KCNB2: variants seen among roughly 807,000 people sequenced by gnomAD.
KCNB2 encodes the protein potassium voltage-gated channel subfamily B member 2, also known as delayed rectifier potassium channel protein.
In KCNB2, 15 loss-of-function variants were observed where a neutral mutation model predicts 61.5. The ratio of observed to expected loss-of-function variants is 0.24; its 90% CI spans 0.16 to 0.38. KCNB2 has a LOEUF of 0.38. Among genes scored for constraint, KCNB2 ranks in the 10% least tolerant of loss-of-function variants. KCNB2 has a pLI of 1.00. For synonymous variants in KCNB2, 457 were observed against 446.0 expected (o/e 1.02, Z -0.31); for missense variants, 828 against 1,125.2 (o/e 0.74, Z 3.78).
intron 2 of KCNB2, among the ~76,000 whole-genome samples, chr8:72,855,049 A>G (rs547509364): frequency 1.6e-4 from 24 of 152,220 alleles, no homozygotes; most frequent in Middle Eastern, 3.4e-3. Flanking sequence ...GCACTATTGC[A>G]CTCTGTCCTC....
intron 1 of KCNB2, among the ~76,000 whole-genome samples, chr8:72,538,599 CAT>C (rs1251211210): frequency 6.6e-6 from 1 of 152,082 alleles, no homozygotes; most frequent in Non-Finnish European, 1.5e-5. Flanking sequence ...TATGACTGCA[CAT>C]GTGTTTCAAC....
At chr8:72,841,752 A>G (rs2129002647) in intron 2 of KCNB2, among the ~76,000 whole-genome samples, 1 of 152,200 alleles carries the variant, frequency 6.6e-6, no homozygotes, top group Admixed American at 6.5e-5. Context: ...TTGAATAGGA[A>G]TGCTTGTGAT....
At chr8:72,815,434 A>T (rs1482742649) in intron 2 of KCNB2, among the ~76,000 whole-genome samples, 1 of 152,194 alleles carries the variant, frequency 6.6e-6, no homozygotes, top group Non-Finnish European at 1.5e-5. Flanking sequence ...CTGTAGTAGC[A>T]CTTATCAGTG....
chr8:72,913,596 A>T (rs188144764), intron 2 of KCNB2, among the ~76,000 whole-genome samples: 51 of 152,284 alleles, frequency 3.3e-4, no homozygotes, highest in African/African-American at 1.1e-3. Context: ...TGTTGATTGA[A>T]CACTGGCATT....
chr8:72,853,601 A>G (rs1810157005), intron 2 of KCNB2, among the ~76,000 whole-genome samples: 1 of 152,196 alleles, frequency 6.6e-6, no homozygotes, highest in Non-Finnish European at 1.5e-5. Flanking sequence ...GTAATCACTG[A>G]TCCATGATAT....
At chr8:72,726,909 C>T (rs1021029338) in intron 2 of KCNB2, among the ~76,000 whole-genome samples, 32 of 152,158 alleles carry the variant, frequency 2.1e-4, no homozygotes, top group Non-Finnish European at 2.8e-4. Flanking sequence ...CTCCCAGCTC[C>T]AGCCAGTAGC....
intron 1 of KCNB2, among the ~76,000 whole-genome samples, chr8:72,555,881 G>A (rs574882037): frequency 9.9e-5 from 15 of 152,058 alleles, no homozygotes; most frequent in Non-Finnish European, 1.3e-4. Context: ...TTAGCATTAG[G>A]TTTTTTAAAG....
intron 2 of KCNB2, among the ~76,000 whole-genome samples, chr8:72,706,241 CAG>C (rs1807221580): frequency 6.6e-6 from 1 of 152,160 alleles, no homozygotes; most frequent in Non-Finnish European, 1.5e-5. Context: ...AGCCAAAGTC[CAG>C]AGTTTCCACA....
chr8:72,928,743 G>A (rs1806709796), intron 2 of KCNB2, among the ~76,000 whole-genome samples: 1 of 150,408 alleles, frequency 6.6e-6, no homozygotes, highest in South Asian at 2.1e-4. Context: ...TTTAAGACAT[G>A]AGACAGGTCA....
At chr8:72,592,891 G>T (rs1046066928) in intron 2 of KCNB2, among the ~76,000 whole-genome samples, 1 of 152,058 alleles carries the variant, frequency 6.6e-6, no homozygotes, top group Admixed American at 6.6e-5. Flanking sequence ...TATCCATACA[G>T]GTTATTTTTG....
intron 2 of KCNB2, among the ~76,000 whole-genome samples, chr8:72,601,966 A>G (rs1805356770): frequency 6.6e-6 from 1 of 152,160 alleles, no homozygotes; most frequent in Admixed American, 6.6e-5. Context: ...TCAGAATTGC[A>G]ACTCAAGTTT....
chr8:72,625,060 C>T (rs757998468), intron 2 of KCNB2, among the ~76,000 whole-genome samples: 8 of 152,214 alleles, frequency 5.3e-5, no homozygotes, highest in Non-Finnish European at 7.3e-5. Flanking sequence ...CCAGCACCAA[C>T]CAACAGACAC....
At chr8:72,868,734 C>G (rs1371420400) in intron 2 of KCNB2, among the ~76,000 whole-genome samples, 2 of 152,064 alleles carry the variant, frequency 1.3e-5, no homozygotes, top group Non-Finnish European at 2.9e-5. Context: ...GGCAGCAAGA[C>G]ATAAAATGTG....
chr8:72,861,777 GT>G (rs1243261556), intron 2 of KCNB2, among the ~76,000 whole-genome samples: 1 of 152,178 alleles, frequency 6.6e-6, no homozygotes, highest in Non-Finnish European at 1.5e-5. Flanking sequence ...TGGGCTTAAA[GT>G]TTACTTACTG....
intron 2 of KCNB2, among the ~76,000 whole-genome samples, chr8:72,925,256 G>C (rs889407078): frequency 6.6e-6 from 1 of 152,168 alleles, no homozygotes; most frequent in African/African-American, 2.4e-5. Flanking sequence ...AACAAAGCCA[G>C]CTTTTAATGG....
At chr8:72,834,895 G>T (rs1290689562) in intron 2 of KCNB2, among the ~76,000 whole-genome samples, 2 of 152,182 alleles carry the variant, frequency 1.3e-5, no homozygotes. Flanking sequence ...GTCACTCTGT[G>T]TGGAACCAGG....
rs111984993 is a variant in KCNB2, at chr8:72,659,052, A to G, written c.579+90739A>G. On this transcript the variant is annotated intron_variant, in intron 2 of 2. Transcript: ENST00000523207. The stretch of plus-strand genomic sequence containing the variant: ...AATTTTGACTTCCAAGTTTTATTAT[A>G]TAAAAAAATACATTTTATATGGCTA... 2.4e-3 allele frequency among the ~76,000 whole-genome samples: 368 copies of G among 152,274 alleles called. 2 individuals are homozygous for G. The highest frequency in any genetic ancestry group is 8.6e-3 in the African/African-American group (359 of 41,554).
At chr8:72,718,935 A>T (rs545788593) in intron 2 of KCNB2, among the ~76,000 whole-genome samples, 2 of 152,278 alleles carry the variant, frequency 1.3e-5, no homozygotes, top group African/African-American at 4.8e-5. Flanking sequence ...TCATAAGGCG[A>T]GATTTTTTTC....
At chr8:72,850,261 C>G (rs922841169) in intron 2 of KCNB2, among the ~76,000 whole-genome samples, 1 of 147,568 alleles carries the variant, frequency 6.8e-6, no homozygotes, top group Non-Finnish European at 1.5e-5. Context: ...ACTCTGTCAC[C>G]CAGGCTGGAA....
Sources: allele counts gnomAD v4.1 joint callset (sites outside exome capture counted in the v4.1 genomes callset), GRCh38; gene constraint gnomAD v4.1.1; transcripts MANE v1.5; gene names NCBI Gene and HGNC (gene_info 2026-07-23, HGNC 2026-07-21).